Variants in NARS2 observed in about 807,000 individuals in gnomAD.
The protein encoded by NARS2 is asparaginyl-tRNA synthetase.
A neutral mutation model predicts 62.9 loss-of-function variants in NARS2; 60 were observed. That is an observed-to-expected ratio of 0.95 (90% CI 0.77 to 1.18). NARS2 has a LOEUF of 1.18. Among genes scored for constraint, NARS2 ranks in the 50% most tolerant of loss-of-function variants. The pLI is 0.00. For missense variants in NARS2, 619 were observed against 576.4 expected (o/e 1.07, Z -0.76); for synonymous variants, 196 against 200.0 (o/e 0.98, Z 0.17).
At chr11:78,457,104 A>G (rs1385639958) in intron 11 of NARS2, among the ~76,000 whole-genome samples, 2 of 152,240 alleles carry the variant, frequency 1.3e-5, no homozygotes. Context: ...CTAGTAAGGT[A>G]TCTAGATTTC....
At chr11:78,437,751 C>T (rs1258694660) in intron 13 of NARS2, among the ~76,000 whole-genome samples, 3 of 151,846 alleles carry the variant, frequency 2.0e-5, no homozygotes, top group Non-Finnish European at 4.4e-5. Flanking sequence ...CCGAGGTGGG[C>T]GGATCACTAG....
intron 11 of NARS2, among the ~76,000 whole-genome samples, chr11:78,462,054 A>C (rs1193735078): frequency 1.3e-5 from 2 of 152,244 alleles, no homozygotes; most frequent in Middle Eastern, 3.2e-3. Flanking sequence ...CCAAAAAAGG[A>C]AGGCTCAAAG....
At chr11:78,516,432 T>C (rs546972159) in intron 6 of NARS2, among the ~76,000 whole-genome samples, 2 of 152,360 alleles carry the variant, frequency 1.3e-5, no homozygotes, top group South Asian at 4.1e-4. Context: ...ATAAGGTTAC[T>C]TCTAAATTCA....
At chr11:78,484,688 CATCTT>C (rs1286343407) in intron 7 of NARS2, among the ~76,000 whole-genome samples, 1 of 152,124 alleles carries the variant, frequency 6.6e-6, no homozygotes, top group Non-Finnish European at 1.5e-5. Flanking sequence ...AATGAGATAC[CATCTT>C]ATATCAGTTA....
intron 2 of NARS2, 94 bp from the exon 3 acceptor site, chr11:78,568,846 G>T: frequency 1.9e-6 from 2 of 1,031,938 alleles, no homozygotes; most frequent in South Asian, 1.8e-5. Context: ...AATACTTAAT[G>T]ACAAAAGCTT....
At chr11:78,508,571 G>C (rs1289763550) in intron 6 of NARS2, among the ~76,000 whole-genome samples, 7 of 146,118 alleles carry the variant, frequency 4.8e-5, no homozygotes, top group African/African-American at 1.8e-4. Context: ...CCAAGTGACA[G>C]AGGGTGACTC....
At chr11:78,441,217 G>A in intron 12 of NARS2, 100 bp from the exon 13 acceptor site, 1 of 1,053,800 alleles carries the variant, frequency 9.5e-7, no homozygotes. Flanking sequence ...TCTTTATGAA[G>A]AAGTAGACGA....
At chr11:78,436,876 G>T in intron 13 of NARS2, 62 bp from the exon 14 acceptor site, 1 of 1,497,734 alleles carries the variant, frequency 6.7e-7, no homozygotes, top group Non-Finnish European at 9.2e-7. Context: ...GTTATGATTA[G>T]AATTTAATGT....
chr11:78,437,131 T>A (rs141995262), intron 13 of NARS2, among the ~76,000 whole-genome samples: 2 of 152,344 alleles, frequency 1.3e-5, no homozygotes, highest in African/African-American at 4.8e-5. Flanking sequence ...TTCTATAGAT[T>A]TACTAATTTT....
chr11:78,436,621 G>A lies in NARS2; in HGVS notation c.*49C>T. 2 of 1,599,800 alleles carry A rather than the reference G, an allele frequency of 1.3e-6. No homozygotes were observed. The highest frequency in any genetic ancestry group is 2.2e-5 in the East Asian group (1 of 44,764). ...TGCATTCTGCTGTATGCACAATCAT[G>A]TGCAGTGTCTCTGCCATGGGGGGTG... On this transcript the variant is annotated 3_prime_UTR_variant, in exon 14 of 14. Transcript: ENST00000281038.
At chr11:78,559,027 AG>A (rs1387946817) in intron 5 of NARS2, among the ~76,000 whole-genome samples, 1 of 152,132 alleles carries the variant, frequency 6.6e-6, no homozygotes, top group Non-Finnish European at 1.5e-5. Context: ...ACTCTTGGCC[AG>A]GCATGGTGGC....
At chr11:78,488,027 A>G (rs944630218) in intron 7 of NARS2, among the ~76,000 whole-genome samples, 1 of 152,214 alleles carries the variant, frequency 6.6e-6, no homozygotes, top group Non-Finnish European at 1.5e-5. Flanking sequence ...GTAATTTACT[A>G]TTACTACCAA....
intron 13 of NARS2, among the ~76,000 whole-genome samples, chr11:78,437,552 A>G (rs1158929921): frequency 1.3e-5 from 2 of 152,350 alleles, no homozygotes; most frequent in South Asian, 4.1e-4. Context: ...TGGCACAGAC[A>G]TGACTGAAAC....
In NARS2 at chr11:78,443,675, C is replaced by G; in HGVS notation, c.1248G>C (p.Glu416Asp). 2 of 1,612,900 alleles carry G rather than the reference C, an allele frequency of 1.2e-6. No homozygotes were observed. The highest frequency in any genetic ancestry group is 1.7e-6 in the Non-Finnish European group (2 of 1,178,990). ...CTGACCAGTACCTGGCTAAGCGCTC[C>G]TCTAAGAAATGGTATCGTTCTTCTC... ...GLREERYHFL[E>D]ERLARSGLTE... Residue 416 changes from glutamate (E) to aspartate (D), a missense_variant, in exon 12 of 14, where the codon GAG becomes GAC. By Grantham distance (45) the Glu-to-Asp change is conservative (BLOSUM62 2). Coordinates refer to ENST00000281038, the MANE Select transcript of NARS2 (RefSeq NM_024678.6).
chr11:78,477,467 C>T (rs1054408623), intron 9 of NARS2, among the ~76,000 whole-genome samples: 1 of 152,184 alleles, frequency 6.6e-6, no homozygotes, highest in African/African-American at 2.4e-5. Flanking sequence ...CCCTTAACTC[C>T]TCTCTCTCAC....
chr11:78,448,937 C>T (rs1857862502), intron 11 of NARS2, among the ~76,000 whole-genome samples: 1 of 152,042 alleles, frequency 6.6e-6, no homozygotes, highest in African/African-American at 2.4e-5. Context: ...TCTTTTAATG[C>T]TATGTTTAAA....
chr11:78,552,525 A>C (rs1856167079), intron 5 of NARS2, among the ~76,000 whole-genome samples: 1 of 152,172 alleles, frequency 6.6e-6, no homozygotes, highest in Non-Finnish European at 1.5e-5. Flanking sequence ...GCTAAAGGGA[A>C]AAGTCAAGCC....
In NARS2 at chr11:78,528,874, G is replaced by C. The variant is rs1265152197; in HGVS notation, c.657C>G (p.Val219=). 1.9e-6 allele frequency: 3 copies of C among 1,612,534 alleles called. No homozygotes were observed. The highest frequency in any genetic ancestry group is 2.2e-5 in the South Asian group (2 of 91,044). The change falls in exon 6 of 14, where the codon GTC becomes GTG. Residue 219 remains valine, a synonymous_variant. Coordinates refer to ENST00000281038, the MANE Select transcript of NARS2 (RefSeq NM_024678.6). ...NFFNVPAFLT[V]SGQLHLEVMS... ...TCACTTCTAGATGAAGTTGTCCTGA[G>C]ACAGTTAAGAAAGCAGGAACATTGA... is the stretch of plus-strand genomic sequence containing the variant.
chr11:78,574,007 A>G (rs550183690), intron 1 of NARS2, among the ~76,000 whole-genome samples: 2 of 152,320 alleles, frequency 1.3e-5, no homozygotes, highest in South Asian at 4.1e-4. Context: ...TTCTGCTCTC[A>G]AGGAGGGAGG....
Sources: gnomAD v4.1 joint callset for allele counts (sites outside exome capture counted in the v4.1 genomes callset) on GRCh38, gnomAD v4.1.1 for gene constraint, MANE v1.5 for transcripts, NCBI Gene and HGNC (gene_info 2026-07-23, HGNC 2026-07-21) for gene names.